Variants in PTPRT observed in about 807,000 individuals in gnomAD.
PTPRT encodes receptor-type tyrosine-protein phosphatase T.
A neutral mutation model predicts 176.8 loss-of-function variants in PTPRT; 56 were observed. The ratio of observed to expected loss-of-function variants is 0.32; its 90% confidence interval spans 0.26 to 0.40. The LOEUF (loss-of-function observed/expected upper bound fraction) is 0.40. Among genes scored for constraint, PTPRT ranks in the 10% least tolerant of loss-of-function variants. The pLI is 1.00. For synonymous variants in PTPRT, 783 were observed against 739.0 expected (o/e 1.06, Z -0.96); for missense variants, 1,540 against 1,908.2 (o/e 0.81, Z 3.60).
intron 6 of PTPRT, among the ~76,000 whole-genome samples, chr20:42,738,990 C>G (rs2076572148): frequency 6.6e-6 from 1 of 152,050 alleles, no homozygotes; most frequent in South Asian, 2.1e-4. Context: ...GATCGCTGAG[C>G]CTGGGAGGTT....
intron 7 of PTPRT, among the ~76,000 whole-genome samples, chr20:42,648,820 G>GTTGTTTTTTTTTTTTTTTTTTTTTTT (rs1310734163): frequency 7.2e-5 from 8 of 111,832 alleles, no homozygotes; most frequent in African/African-American, 3.0e-4. Flanking sequence ...TGGTGTCGTT[G>GTTGTTTTTTTTTTTTTTTTTTTTTTT]TTTTTTTTTT....
chr20:42,244,435 G>A (rs1364911492), intron 14 of PTPRT, among the ~76,000 whole-genome samples: 1 of 152,212 alleles, frequency 6.6e-6, no homozygotes, highest in African/African-American at 2.4e-5. Context: ...GCTGGGCAGG[G>A]GAGCAGGGGA....
intron 16 of PTPRT, among the ~76,000 whole-genome samples, chr20:42,187,311 G>A (rs1990819962): frequency 6.6e-6 from 1 of 152,164 alleles, no homozygotes; most frequent in South Asian, 2.1e-4. Context: ...CTACAGGTGA[G>A]TGTAGATTTG....
Position 42,404,588 on chromosome 20 carries a change from C to A in PTPRT, c.1560+43632G>T, listed in dbSNP as rs990808259. 1.3e-4 allele frequency among the ~76,000 whole-genome samples: 20 copies of A among 152,136 alleles called. 2 individuals are homozygous for A. The highest frequency in any genetic ancestry group is 9.8e-4 in the Admixed American group (15 of 15,262). On this transcript the variant is annotated intron_variant, in intron 9 of 30. Coordinates refer to ENST00000373187, the MANE Select transcript of PTPRT (RefSeq NM_007050.6). ...CAAGCTGTATGACTTTAGACAAGGC[C>A]ATTCTGCTCTCTTGGCCTCAGCTTC... is the stretch of plus-strand genomic sequence containing the variant.
rs557371579 is a variant in PTPRT at position 42,192,843 on chromosome 20, A to C, written c.2491+6397T>G. Among the ~76,000 whole-genome samples the C allele has an allele frequency of 2.6e-5, 4 of 152,348 alleles. No individual in the cohort carries two copies. In the South Asian group the frequency reaches 8.3e-4, roughly 32 times the overall value. ...CGTAAGGATGGGACTACTGGTCTGC[A>C]GTCCCACTTTCCTAAGAGGGTCCTA... On this transcript the variant is annotated intron_variant, in intron 16 of 30. Coordinates refer to ENST00000373187, the MANE Select transcript of PTPRT (RefSeq NM_007050.6).
intron 17 of PTPRT, among the ~76,000 whole-genome samples, chr20:42,147,615 A>G (rs1988927884): frequency 6.6e-6 from 1 of 152,202 alleles, no homozygotes; most frequent in African/African-American, 2.4e-5. Flanking sequence ...TCCTCTCACC[A>G]TCAACAAACA....
chr20:42,623,367 C>T (rs952306791), intron 7 of PTPRT, among the ~76,000 whole-genome samples: 1 of 152,216 alleles, frequency 6.6e-6, no homozygotes, highest in Middle Eastern at 3.2e-3. Flanking sequence ...TCTGTGTGCT[C>T]CCCCTCCCGT....
chr20:43,066,260 C>A (rs557164027), intron 1 of PTPRT, among the ~76,000 whole-genome samples: 4 of 152,266 alleles, frequency 2.6e-5, no homozygotes, highest in East Asian at 3.9e-4. Context: ...GGACTTGGCT[C>A]GGTTTTCATC....
chr20:42,522,592 C>A (rs2072195622), intron 7 of PTPRT, among the ~76,000 whole-genome samples: 1 of 152,086 alleles, frequency 6.6e-6, no homozygotes, highest in African/African-American at 2.4e-5. Flanking sequence ...TCCTGAGTAG[C>A]TGGGACTATA....
intron 7 of PTPRT, among the ~76,000 whole-genome samples, chr20:42,588,016 T>C (rs1473872179): frequency 6.6e-6 from 1 of 152,168 alleles, no homozygotes; most frequent in Non-Finnish European, 1.5e-5. Context: ...TCACAGTAGA[T>C]AGAGTTCATC....
intron 7 of PTPRT, among the ~76,000 whole-genome samples, chr20:42,520,810 T>TA (rs932848893): frequency 2.0e-5 from 3 of 146,536 alleles, no homozygotes; most frequent in African/African-American, 7.8e-5. Context: ...GACATATATA[T>TA]ATATATATAT....
intron 1 of PTPRT, among the ~76,000 whole-genome samples, chr20:42,958,028 G>A (rs1312693161): frequency 6.6e-6 from 1 of 151,000 alleles, no homozygotes; most frequent in Non-Finnish European, 1.5e-5. Context: ...GTCAAGCAAG[G>A]GACCCAAAAA....
intron 7 of PTPRT, among the ~76,000 whole-genome samples, chr20:42,628,377 A>T (rs1289565827): frequency 6.6e-6 from 1 of 152,132 alleles, no homozygotes; most frequent in Non-Finnish European, 1.5e-5. Context: ...GTGACAAAAC[A>T]TGAGTCACCT....
chr20:42,403,221 A>G (rs2058927998), intron 9 of PTPRT, among the ~76,000 whole-genome samples: 1 of 152,148 alleles, frequency 6.6e-6, no homozygotes, highest in South Asian at 2.1e-4. Flanking sequence ...ATCCTTGATT[A>G]TTGAACATCC....
At chr20:42,042,798 A>G in the PTPRT span, among the ~76,000 whole-genome samples, 1 of 152,204 alleles carries the variant, frequency 6.6e-6, no homozygotes, top group African/African-American at 2.4e-5. Flanking sequence ...GCGAAAGCTC[A>G]TGTTTCAGAA....
At chr20:42,582,086 G>T (rs914378063) in intron 7 of PTPRT, among the ~76,000 whole-genome samples, 1 of 152,198 alleles carries the variant, frequency 6.6e-6, no homozygotes, top group Non-Finnish European at 1.5e-5. Flanking sequence ...TTATAATAAT[G>T]GTGGCTTTGT....
intron 1 of PTPRT, among the ~76,000 whole-genome samples, chr20:42,911,856 C>G (rs1978400412): frequency 6.6e-6 from 1 of 151,886 alleles, no homozygotes; most frequent in South Asian, 2.1e-4. Context: ...TTGCAACCTG[C>G]TTTTAAAGTA....
chr20:42,211,600 C>A (rs944022730), intron 15 of PTPRT, among the ~76,000 whole-genome samples: 2 of 146,388 alleles, frequency 1.4e-5, no homozygotes, highest in African/African-American at 5.0e-5. Context: ...CAATGAGATA[C>A]CATCTCACAC....
At chr20:43,038,704 A>C (rs1189476101) in intron 1 of PTPRT, among the ~76,000 whole-genome samples, 1 of 152,192 alleles carries the variant, frequency 6.6e-6, no homozygotes, top group Non-Finnish European at 1.5e-5. Flanking sequence ...CAAACCCAAG[A>C]GCATAACTGA....
Sources: gnomAD v4.1 joint callset for allele counts (sites outside exome capture counted in the v4.1 genomes callset) on GRCh38, gnomAD v4.1.1 for gene constraint, MANE v1.5 for transcripts, NCBI Gene and HGNC (gene_info 2026-07-23, HGNC 2026-07-21) for gene names.